The following GPC6 variants were observed in gnomAD, a reference collection of about 807,000 sequenced individuals.
The protein encoded by GPC6 is glypican 6.
A neutral mutation model predicts 55.2 loss-of-function variants in GPC6; 14 were observed. The observed-to-expected ratio is 0.25, with a 90% CI of 0.17 to 0.40. GPC6 has a LOEUF of 0.40. GPC6 is among the 10% of genes least tolerant of loss of function. GPC6 has a pLI of 1.00. For synonymous variants in GPC6, 278 were observed against 259.6 expected, an observed-to-expected ratio of 1.07 and a Z score of -0.68; for missense variants, 641 against 708.5, an observed-to-expected ratio of 0.90 and a Z score of 1.08.
At chr13:93,738,547 C>A (rs565428587) in intron 2 of GPC6, among the ~76,000 whole-genome samples, 2 of 152,144 alleles carry the variant, frequency 1.3e-5, no homozygotes, top group African/African-American at 4.8e-5. Context: ...CAAAACAGAG[C>A]CAAAGAGATT....
chr13:94,248,458 T>C (rs568675070), intron 4 of GPC6, among the ~76,000 whole-genome samples: 1 of 152,258 alleles, frequency 6.6e-6, no homozygotes, highest in East Asian at 1.9e-4. Flanking sequence ...TAGCCTTCTT[T>C]TTCCCTGTAT....
intron 1 of GPC6, among the ~76,000 whole-genome samples, chr13:93,323,354 T>C (rs746943406): frequency 2.0e-5 from 3 of 152,214 alleles, no homozygotes; most frequent in Non-Finnish European, 4.4e-5. Flanking sequence ...ATATGTGATA[T>C]ATATCAGTTT....
chr13:93,283,358 G>A (rs988614870), intron 1 of GPC6, among the ~76,000 whole-genome samples: 19 of 152,170 alleles, frequency 1.2e-4, no homozygotes, highest in African/African-American at 4.3e-4. Context: ...AGGTAAGGTC[G>A]CATAGGATGG....
At chr13:93,558,217 C>T (rs1170703454) in intron 2 of GPC6, among the ~76,000 whole-genome samples, 1 of 152,144 alleles carries the variant, frequency 6.6e-6, no homozygotes, top group East Asian at 1.9e-4. Context: ...AAAAGCCTAG[C>T]ATAAGTCTAG....
intron 2 of GPC6, among the ~76,000 whole-genome samples, chr13:93,672,955 G>C (rs1881432678): frequency 6.6e-6 from 1 of 151,962 alleles, no homozygotes; most frequent in Admixed American, 6.6e-5. Context: ...TAAGTACATA[G>C]AAAAATAGAT....
intron 7 of GPC6, among the ~76,000 whole-genome samples, chr13:94,394,996 G>T (rs1018856999): frequency 6.6e-6 from 1 of 152,126 alleles, no homozygotes; most frequent in Non-Finnish European, 1.5e-5. Flanking sequence ...AACAAAGCTC[G>T]CCTCTGACTC....
In GPC6 at chr13:94,013,987, T is replaced by G. The variant is rs142378229; in HGVS notation, c.712-13742T>G. ...GTTCCTAGTTAATAAGTAAATTAAATTTTTAAAAATAGGCTGAATATTTTA... is the reference window on the plus strand; with the variant it reads ...GTTCCTAGTTAATAAGTAAATTAAAGTTTTAAAAATAGGCTGAATATTTTA... On this transcript the variant is annotated intron_variant, in intron 3 of 8. Transcript: ENST00000377047. 2.6e-3 allele frequency among the ~76,000 whole-genome samples: 389 copies of G among 152,312 alleles called. 2 individuals are homozygous for G. Among genetic ancestry groups the G allele is most frequent in the African/African-American group, 9.2e-3 (383 of 41,582 alleles).
chr13:94,399,042 C>G (rs1881016544), intron 8 of GPC6, among the ~76,000 whole-genome samples: 1 of 152,170 alleles, frequency 6.6e-6, no homozygotes, highest in South Asian at 2.1e-4. Context: ...TTAGACAAGC[C>G]TAAGCTAGAA....
At chr13:94,259,034 A>G (rs1019536495) in intron 4 of GPC6, among the ~76,000 whole-genome samples, 4 of 152,110 alleles carry the variant, frequency 2.6e-5, no homozygotes, top group African/African-American at 9.6e-5. Flanking sequence ...CCTCACTGGA[A>G]ACCTTTCCCA....
chr13:93,348,791 C>T lies in GPC6; in HGVS notation c.160+121175C>T, dbSNP rs1055049914. On this transcript the variant is annotated intron_variant, in intron 1 of 8. Coordinates refer to ENST00000377047, the MANE Select transcript of GPC6 (RefSeq NM_005708.5). Reference sequence around the variant, plus strand: ...TTTCTTCTACTAGCAGCAAAGAAAGCCCATACAAATTTAATGAATAGAAGC... The same window carrying T: ...TTTCTTCTACTAGCAGCAAAGAAAGTCCATACAAATTTAATGAATAGAAGC... 2.6e-5 allele frequency among the ~76,000 whole-genome samples: 4 copies of T among 152,230 alleles called. No individual in the cohort carries two copies. The South Asian group carries it at 8.3e-4, about 32-fold the overall frequency.
At chr13:93,898,940 AATATATAT>A (rs66531953) in intron 3 of GPC6, among the ~76,000 whole-genome samples, 14 of 136,664 alleles carry the variant, frequency 1.0e-4, no homozygotes, top group South Asian at 6.9e-4. Context: ...ATTATATATA[AATATATAT>A]ATATATATAT....
At chr13:93,417,277 A>G (rs79426249) in intron 1 of GPC6, among the ~76,000 whole-genome samples, 3,048 of 152,022 alleles carry the variant, frequency 0.02, 116 homozygotes, top group African/African-American at 0.069. Context: ...ATAGCCTTGG[A>G]GTAATGTTAA....
At chr13:94,072,793 C>T (rs1402355261) in intron 4 of GPC6, among the ~76,000 whole-genome samples, 1 of 152,178 alleles carries the variant, frequency 6.6e-6, no homozygotes, top group East Asian at 1.9e-4. Flanking sequence ...AATGACAGGG[C>T]AAAGTGGCAT....
At chr13:94,072,291 G>T (rs906076022) in intron 4 of GPC6, among the ~76,000 whole-genome samples, 1 of 151,994 alleles carries the variant, frequency 6.6e-6, no homozygotes, top group Non-Finnish European at 1.5e-5. Flanking sequence ...AAAACATAAC[G>T]TCTTTTGCTT....
intron 4 of GPC6, among the ~76,000 whole-genome samples, chr13:94,211,956 G>A (rs1405739038): frequency 6.6e-6 from 1 of 152,002 alleles, no homozygotes; most frequent in Non-Finnish European, 1.5e-5. Flanking sequence ...TTGGTTAAGG[G>A]GGCTAATTAA....
intron 2 of GPC6, among the ~76,000 whole-genome samples, chr13:93,799,572 T>C (rs1886305094): frequency 1.3e-5 from 2 of 152,138 alleles, no homozygotes; most frequent in African/African-American, 4.8e-5. Flanking sequence ...TGACAGATTG[T>C]AGAGGGGTGG....
chr13:93,347,562 C>T (rs959370233), intron 1 of GPC6, among the ~76,000 whole-genome samples: 3 of 152,118 alleles, frequency 2.0e-5, no homozygotes, highest in Admixed American at 6.5e-5. Flanking sequence ...GAAGCCCCAA[C>T]ATCGAGTCTA....
intron 2 of GPC6, among the ~76,000 whole-genome samples, chr13:93,813,859 A>C (rs1466980680): frequency 2.0e-5 from 3 of 152,098 alleles, no homozygotes; most frequent in Non-Finnish European, 4.4e-5. Context: ...TTAATCATTT[A>C]AGAAACAAAA....
At position 94,151,683 on chromosome 13, in the gene GPC6, G is replaced by T. The variant is rs1439380343; in HGVS notation, c.877+123789G>T. 2.6e-5 allele frequency among the ~76,000 whole-genome samples: 4 copies of T among 152,070 alleles called. No individual in the cohort carries two copies. The East Asian group carries it at 7.7e-4, about 29-fold the overall frequency. ...TGGCAGAGAGATGTCTTTATCCGAG[G>T]CAATGGTGCACAGGTAGACAAGCAC... On this transcript the variant is annotated intron_variant, in intron 4 of 8. Transcript: ENST00000377047.
Sources: allele counts gnomAD v4.1 joint callset (sites outside exome capture counted in the v4.1 genomes callset), GRCh38; gene constraint gnomAD v4.1.1; transcripts MANE v1.5; gene names NCBI Gene and HGNC (gene_info 2026-07-23, HGNC 2026-07-21).